Variants in SS18L2 observed in about 807,000 individuals in gnomAD.
The protein encoded by SS18L2 is SS18-like protein 2.
SS18L2 carries 8 observed loss-of-function variants against 10.3 expected under a neutral mutation model. The ratio of observed to expected loss-of-function variants is 0.78; its 90% CI spans 0.46 to 1.41. The LOEUF is 1.41. SS18L2 is among the 40% of genes most tolerant of loss of function. The pLI, the probability that SS18L2 is intolerant of heterozygous loss-of-function variation, is 0.00. For synonymous variants in SS18L2, 41 were observed against 34.6 expected (o/e 1.19, Z -0.65); for missense variants, 100 against 96.2 (o/e 1.04, Z -0.17).
At position 42,590,913 on chromosome 3, in the gene SS18L2, G is replaced by C. The variant is rs536121157; in HGVS notation, c.16G>C (p.Val6Leu). 1.3e-6 allele frequency: 2 copies of C among 1,592,396 alleles called. No homozygotes were observed. Among genetic ancestry groups the C allele is most frequent in the South Asian group, 1.1e-5 (1 of 90,764 alleles). MSVAF[V>L]PDWLRGKAEV... is the part of the protein sequence containing the mutation. ...GTTCCTCGGGATGTCGGTGGCCTTC[G>C]TACCGGACTGGCTGAGGGGCAAGGC... Residue 6 changes from valine to leucine, a missense_variant, in exon 1 of 3, where the codon GTA becomes CTA. By Grantham distance (32) the Val-to-Leu change is conservative (BLOSUM62 1). Coordinates refer to ENST00000011691, the MANE Select transcript of SS18L2 (RefSeq NM_001370300.1).
At chr3:42,586,306 T>C (rs1451711015), upstream of SS18L2, among the ~76,000 whole-genome samples, 3 of 152,204 alleles carry the variant, frequency 2.0e-5, no homozygotes, top group African/African-American at 7.2e-5. Context: ...TACTGCAACC[T>C]CTGCCTGCCG....
At chr3:42,585,799 C>G (rs1294603775) in intron 1 of SS18L2, among the ~76,000 whole-genome samples, 1 of 152,180 alleles carries the variant, frequency 6.6e-6, no homozygotes, top group Non-Finnish European at 1.5e-5. Flanking sequence ...CCACACAGAT[C>G]AGTGCTACAT....
At position 42,596,506 on chromosome 3, in the gene SS18L2, C is replaced by A. The variant is rs1349791120; in HGVS notation, c.*1997C>A. ...GTTCTTCTTCATGATAAATCATGGA[C>A]AAATTAAGCCTGAGTTTGTAAACTC... On this transcript the variant is annotated 3_prime_UTR_variant, in exon 3 of 3. Transcript: ENST00000011691. 2.0e-5 allele frequency among the ~76,000 whole-genome samples: 3 copies of A among 152,256 alleles called. No homozygotes were observed. The highest frequency in any genetic ancestry group is 4.4e-5 in the Non-Finnish European group (3 of 68,018).
At chr3:42,587,799 CTG>C (rs1266914190), upstream of SS18L2, among the ~76,000 whole-genome samples, 20 of 151,954 alleles carry the variant, frequency 1.3e-4, no homozygotes, top group South Asian at 4.2e-4. Context: ...AGGCCAGGCT[CTG>C]TGGCTCACAC....
intron 1 of SS18L2, among the ~76,000 whole-genome samples, chr3:42,584,879 T>C (rs1445797290): frequency 6.6e-6 from 1 of 152,028 alleles, no homozygotes; most frequent in Non-Finnish European, 1.5e-5. Flanking sequence ...CTCACACCTA[T>C]AATCCCAGCA....
rs1705047896 is a variant in SS18L2, at chr3:42,596,933, A to C, written c.*2424A>C. ...TAAATATTTCATTCCTGAGCTCTAA[A>C]ACCTATTTACATTGAAGCCTGATGT... On this transcript the variant is annotated 3_prime_UTR_variant, in exon 3 of 3. Coordinates refer to ENST00000011691, the MANE Select transcript of SS18L2 (RefSeq NM_001370300.1). Among the ~76,000 whole-genome samples, 1 of 152,232 alleles carries C rather than the reference A, an allele frequency of 6.6e-6. No homozygotes were observed. Among genetic ancestry groups the C allele is most frequent in the Non-Finnish European group, 1.5e-5 (1 of 68,042 alleles).
rs1257900138 is a variant in SS18L2 at position 42,595,092 on chromosome 3, T to G, written c.*583T>G. The G allele has an allele frequency of 1.3e-5, 2 of 152,238 alleles. No homozygotes were observed. Among genetic ancestry groups the G allele is most frequent in the Non-Finnish European group, 2.9e-5 (2 of 68,044 alleles). 9.4% of individuals were successfully genotyped at this position (152,238 alleles called of 1,614,324 possible). A position where few individuals can be genotyped will look rare whatever the true frequency, so the allele number is the denominator to read the frequency against. On this transcript the variant is annotated 3_prime_UTR_variant, in exon 3 of 3. Transcript: ENST00000011691. ...TTAACCATAAAGTATATAAAAACAA[T>G]ACTATTATCATTGCCAACAAAATGA...
At chr3:42,591,213 T>C in intron 1 of SS18L2, 1 of 593,600 alleles carries the variant, frequency 1.7e-6, no homozygotes, top group Non-Finnish European at 3.0e-6. Context: ...TTTTTTTTTT[T>C]TTTTGAGACG....
chr3:42,594,538 A>G lies in SS18L2; in HGVS notation c.*29A>G, dbSNP rs770254642. On this transcript the variant is annotated 3_prime_UTR_variant, in exon 3 of 3. Coordinates refer to ENST00000011691, the MANE Select transcript of SS18L2 (RefSeq NM_001370300.1). ...TTCAAAAGCAATAGAATAATCTTCC[A>G]TTTGGCTGTCGTGAGGAGTAATTGA... 6.3e-7 allele frequency: 1 copy of G among 1,593,082 alleles called. No individual in the cohort carries two copies. The highest frequency in any genetic ancestry group is 8.6e-7 in the Non-Finnish European group (1 of 1,161,746).
At chr3:42,586,516 C>G (rs1429435923), upstream of SS18L2, among the ~76,000 whole-genome samples, 1 of 152,058 alleles carries the variant, frequency 6.6e-6, no homozygotes, top group African/African-American at 2.4e-5. Context: ...AGCCACTGCA[C>G]CCACCCCTTC....
rs529107181 is a variant in SS18L2, at chr3:42,591,614, A to AC, written c.146+18dup. ...ACGAGTGCGTGCAGTAAGTACCCCC[A>AC]CCCCCGCGCCCCTGACCTGTGGGTA... On this transcript the variant is annotated intron_variant, in intron 2 of 2. Transcript: ENST00000011691. 22 of 1,599,360 alleles carry AC rather than the reference A, an allele frequency of 1.4e-5. No individual in the cohort carries two copies. In the East Asian group the frequency reaches 2.9e-4, roughly 21 times the overall value.
At chr3:42,587,382 C>T (rs1419127273), upstream of SS18L2, 1 of 152,194 alleles carries the variant, frequency 6.6e-6, no homozygotes, top group Non-Finnish European at 1.5e-5. Context: ...ACACCTGCCT[C>T]ACCCTAACAC....
intron 2 of SS18L2, among the ~76,000 whole-genome samples, 165 bp from the exon 3 acceptor site, chr3:42,594,257 T>TCTGA (rs1704961029): frequency 6.6e-6 from 1 of 152,196 alleles, no homozygotes; most frequent in South Asian, 2.1e-4. Context: ...TGGGTGAGAA[T>TCTGA]CTGACTATAT....
intron 1 of SS18L2, chr3:42,591,201 C>CATTTT: frequency 8.2e-6 from 4 of 487,886 alleles, no homozygotes; most frequent in East Asian, 3.6e-5. Flanking sequence ...CCTTTCTCTC[C>CATTTT]TTTTTTTTTT....
At chr3:42,582,135 G>C (rs556098711) in intron 1 of SS18L2, 1 of 152,352 alleles carries the variant, frequency 6.6e-6, no homozygotes, top group African/African-American at 2.4e-5. Context: ...CCCAAACGGA[G>C]AGGGAGTGTG....
rs954549646 is a variant in SS18L2 at position 42,596,720 on chromosome 3, T to G, written c.*2211T>G. Reference sequence around the variant, plus strand: ...TCACAAGACAGAATAAAATAATCTTTGAGAGAGGCAGAACCTTAGAAAGGA... The same window carrying G: ...TCACAAGACAGAATAAAATAATCTTGGAGAGAGGCAGAACCTTAGAAAGGA... On this transcript the variant is annotated 3_prime_UTR_variant, in exon 3 of 3. Coordinates refer to ENST00000011691, the MANE Select transcript of SS18L2 (RefSeq NM_001370300.1). Among the ~76,000 whole-genome samples, 1 of 152,212 alleles carries G rather than the reference T, an allele frequency of 6.6e-6. No individual in the cohort carries two copies. The highest frequency in any genetic ancestry group is 1.5e-5 in the Non-Finnish European group (1 of 68,042).
rs900705636 is a variant in SS18L2, at chr3:42,595,488, T to C, written c.*979T>C. On this transcript the variant is annotated 3_prime_UTR_variant, in exon 3 of 3. Transcript: ENST00000011691. The stretch of plus-strand genomic sequence containing the variant: ...AATATATTAGAAGGTGATAAGTACT[T>C]GCTTTTGCATCACATAAGGAGTGAC... Among the ~76,000 whole-genome samples, 8 of 152,346 alleles carry C rather than the reference T, an allele frequency of 5.3e-5. No individual in the cohort carries two copies. The highest frequency in any genetic ancestry group is 5.2e-4 in the Admixed American group (8 of 15,300).
chr3:42,583,024 A>C (rs553767408), intron 1 of SS18L2, among the ~76,000 whole-genome samples: 1 of 152,374 alleles, frequency 6.6e-6, no homozygotes, highest in African/African-American at 2.4e-5. Flanking sequence ...TTTTACCACA[A>C]AAAGAAAAGA....
upstream of SS18L2, among the ~76,000 whole-genome samples, chr3:42,587,771 A>C (rs1369280359): frequency 1.3e-5 from 2 of 149,824 alleles, no homozygotes; most frequent in African/African-American, 4.9e-5. Context: ...TATAAACCTC[A>C]CTCAAAACCT....
Sources: gnomAD v4.1 joint callset for allele counts (sites outside exome capture counted in the v4.1 genomes callset) on GRCh38, gnomAD v4.1.1 for gene constraint, MANE v1.5 for transcripts, NCBI Gene and HGNC (gene_info 2026-07-23, HGNC 2026-07-21) for gene names.